DOCK9: variants seen among roughly 807,000 people sequenced by gnomAD.
DOCK9 encodes the protein dedicator of cytokinesis protein 9.
DOCK9 carries 89 observed loss-of-function variants against 263.3 expected under a neutral mutation model. The observed-to-expected ratio is 0.34, with a 90% CI of 0.28 to 0.40. The LOEUF (loss-of-function observed/expected upper bound fraction) is 0.40. DOCK9 is among the 10% of genes least tolerant of loss of function. The pLI is 1.00. For missense variants in DOCK9, 2,140 were observed against 2,603.4 expected (o/e 0.82, Z 3.87); for synonymous variants, 976 against 973.1 (o/e 1.00, Z -0.06).
chr13:98,944,046 T>C (rs2056351387), intron 2 of DOCK9, among the ~76,000 whole-genome samples: 2 of 152,200 alleles, frequency 1.3e-5, no homozygotes, highest in African/African-American at 4.8e-5. Context: ...GCAAATATGG[T>C]CTGCATTTAT....
At chr13:98,890,952 G>A (rs1234806549) in intron 15 of DOCK9, among the ~76,000 whole-genome samples, 1 of 152,174 alleles carries the variant, frequency 6.6e-6, no homozygotes, top group Non-Finnish European at 1.5e-5. Context: ...GTAATGGTCA[G>A]GAAGGCAAGT....
At position 98,794,461 on chromosome 13, in the gene DOCK9, A is replaced by T; in HGVS notation, c.*165T>A. ...AAAAAAATATGTGCACCTTCTTACA[A>T]CTCCTATAGAAAGTCTGTTAAGAAA... is the stretch of plus-strand genomic sequence containing the variant. On this transcript the variant is annotated 3_prime_UTR_variant, in exon 53 of 53. Coordinates refer to ENST00000682017, the MANE Select transcript of DOCK9 (RefSeq NM_001366683.2). The T allele has an allele frequency of 1.4e-6, 1 of 726,710 alleles. No individual in the cohort carries two copies. The allele number at this position is 726,710 out of a possible 1,614,324, so 45.0% of individuals were successfully genotyped here.
chr13:98,845,316 G>C (rs767060827), intron 38 of DOCK9: 10 of 1,359,338 alleles, frequency 7.4e-6, no homozygotes, highest in Non-Finnish European at 9.8e-6. Context: ...ACTTCAACCT[G>C]ATTAAATCTT....
chr13:98,998,941 A>C (rs992563207), intron 1 of DOCK9, among the ~76,000 whole-genome samples: 3 of 152,180 alleles, frequency 2.0e-5, no homozygotes, highest in African/African-American at 7.2e-5. Flanking sequence ...GAAGCCAACC[A>C]TAGTGTCCTT....
rs1008371891 is a variant in DOCK9 at position 99,052,987 on chromosome 13, G to A, written c.129+33236C>T. Among the ~76,000 whole-genome samples, 73 of 152,008 alleles carry A rather than the reference G, an allele frequency of 4.8e-4. 2 individuals are homozygous for A. The highest frequency in any genetic ancestry group is 2.9e-5 in the Non-Finnish European group (2 of 68,008). ...TGAATTTCTAATGGTAGGTTTTTCA[G>A]GCCTCAGTAGGGATTCGCCGTTGGG... On this transcript the variant is annotated intron_variant, in intron 1 of 32. Transcript: ENST00000427887.
chr13:99,017,675 A>C (rs1487178032), intron 1 of DOCK9, among the ~76,000 whole-genome samples: 3 of 152,224 alleles, frequency 2.0e-5, no homozygotes, highest in African/African-American at 7.2e-5. Context: ...CCTGGACCAC[A>C]CTGGAAGAAG....
chr13:98,916,447 C>G (rs895429348), intron 7 of DOCK9, among the ~76,000 whole-genome samples: 2 of 152,212 alleles, frequency 1.3e-5, no homozygotes, highest in African/African-American at 4.8e-5. Flanking sequence ...AGCAGGACAG[C>G]CCCCCGCATA....
Position 98,888,390 on chromosome 13 carries a change from C to A in DOCK9, c.1947G>T (p.Leu649Phe). The change falls in exon 17 of 53, where the codon TTG becomes TTT. Residue 649 changes from leucine (L) to phenylalanine (F), a missense_variant. By Grantham distance (22) the Leu-to-Phe change is conservative. Around this residue, in one of 2 missense-constraint regions of DOCK9, gnomAD observed 1,521 missense variants for 1,741.7 expected, o/e 0.87. Coordinates refer to ENST00000682017, the MANE Select transcript of DOCK9 (RefSeq NM_001366683.2). ...CAAAAGACTTCTGACTGTCGTATTT[C>A]AAGTACTTAGGATAAACGTAAAGGT... is the stretch of plus-strand genomic sequence containing the variant. ...TNHLYVYPKY[L>F]KYDSQKSFAK... 1 of 1,613,768 alleles carries A rather than the reference C, an allele frequency of 6.2e-7. No homozygotes were observed. Among genetic ancestry groups the A allele is most frequent in the South Asian group, 1.1e-5 (1 of 91,016 alleles).
chr13:98,924,802 T>G (rs928148954), intron 4 of DOCK9, among the ~76,000 whole-genome samples: 3 of 152,330 alleles, frequency 2.0e-5, no homozygotes, highest in Admixed American at 1.3e-4. Flanking sequence ...CACAAAAGTC[T>G]TCAACAGAAG....
intron 1 of DOCK9, among the ~76,000 whole-genome samples, chr13:98,967,181 T>G (rs1431286000): frequency 6.6e-6 from 1 of 152,272 alleles, no homozygotes; most frequent in African/African-American, 2.4e-5. Flanking sequence ...ATCTCCATAC[T>G]TTAATCTAAA....
At chr13:98,913,424 G>GA (rs1014917506) in intron 9 of DOCK9, among the ~76,000 whole-genome samples, 12 of 151,626 alleles carry the variant, frequency 7.9e-5, no homozygotes, top group Non-Finnish European at 1.5e-4. Context: ...GTTTATAATA[G>GA]AAAAAAATGA....
chr13:99,036,714 AT>A (rs2142096732), intron 1 of DOCK9, among the ~76,000 whole-genome samples: 1 of 152,124 alleles, frequency 6.6e-6, no homozygotes, highest in East Asian at 1.9e-4. Context: ...TAATTTTTGT[AT>A]TTTTAGTAGA....
At chr13:98,929,021 A>T (rs2053500808) in intron 3 of DOCK9, among the ~76,000 whole-genome samples, 1 of 152,134 alleles carries the variant, frequency 6.6e-6, no homozygotes, top group South Asian at 2.1e-4. Flanking sequence ...TCTTTATAAG[A>T]GTATTTATAG....
chr13:98,909,030 G>A (rs779828543), intron 9 of DOCK9, among the ~76,000 whole-genome samples: 4 of 152,148 alleles, frequency 2.6e-5, no homozygotes, highest in African/African-American at 7.2e-5. Flanking sequence ...TATTGTGATG[G>A]TAAGAAGAGC....
chr13:98,995,950 C>A (rs1880932433), intron 1 of DOCK9, among the ~76,000 whole-genome samples: 2 of 152,040 alleles, frequency 1.3e-5, no homozygotes, highest in Non-Finnish European at 2.9e-5. Flanking sequence ...GTGCAGTGGT[C>A]CAGGGGAGAA....
chr13:98,808,148 GC>G (rs1195859462), intron 47 of DOCK9, among the ~76,000 whole-genome samples: 1 of 152,172 alleles, frequency 6.6e-6, no homozygotes, highest in Non-Finnish European at 1.5e-5. Flanking sequence ...ATGATGAGCA[GC>G]CCACGACAGG....
chr13:98,948,387 T>C (rs1282311555), intron 2 of DOCK9, among the ~76,000 whole-genome samples: 3 of 152,212 alleles, frequency 2.0e-5, no homozygotes, highest in African/African-American at 4.8e-5. Context: ...GACATTTATA[T>C]AGGTAATACA....
At chr13:98,920,559 A>G (rs1595331128) in intron 7 of DOCK9, among the ~76,000 whole-genome samples, 1 of 152,238 alleles carries the variant, frequency 6.6e-6, no homozygotes, top group South Asian at 2.1e-4. Context: ...ACTGATCTAC[A>G]CCGCCACTGG....
At chr13:98,989,878 T>C (rs1261619611) in intron 1 of DOCK9, among the ~76,000 whole-genome samples, 1 of 152,244 alleles carries the variant, frequency 6.6e-6, no homozygotes, top group Non-Finnish European at 1.5e-5. Flanking sequence ...CCTCCTTCCA[T>C]GCTCAAGTAA....
Sources: allele counts gnomAD v4.1 joint callset (sites outside exome capture counted in the v4.1 genomes callset), GRCh38; gene constraint gnomAD v4.1.1; regional missense constraint gnomAD v4.1.1; transcripts MANE v1.5; gene names NCBI Gene and HGNC (gene_info 2026-07-23, HGNC 2026-07-21).